TTC28: variants seen among roughly 807,000 people sequenced by gnomAD.
TTC28 encodes the protein tetratricopeptide repeat domain 28.
A neutral mutation model predicts 198.0 loss-of-function variants in TTC28; 61 were observed. The ratio of observed to expected loss-of-function variants is 0.31; its 90% CI spans 0.25 to 0.38. The LOEUF is 0.38. Ranked by LOEUF, TTC28 falls within the 10% of genes least tolerant of loss-of-function variation. The pLI, the probability that TTC28 is intolerant of heterozygous loss-of-function variation, is 1.00. For missense variants in TTC28, 2,678 were observed against 3,164.0 expected (o/e 0.85, Z 3.69); for synonymous variants, 1,171 against 1,297.8 (o/e 0.90, Z 2.10).
chr22:27,991,209 C>T (rs748490989), intron 19 of TTC28, among the ~76,000 whole-genome samples: 9 of 152,250 alleles, frequency 5.9e-5, no homozygotes, highest in Admixed American at 2.6e-4. Context: ...TAGGGCCCAA[C>T]AGCGTATCAG....
At chr22:28,311,538 G>A (rs1412187809) in intron 2 of TTC28, among the ~76,000 whole-genome samples, 1 of 152,132 alleles carries the variant, frequency 6.6e-6, no homozygotes, top group African/African-American at 2.4e-5. Flanking sequence ...CAGGTACACA[G>A]TAGGTATATA....
intron 2 of TTC28, among the ~76,000 whole-genome samples, chr22:28,360,455 C>G (rs2046141070): frequency 6.6e-6 from 1 of 152,102 alleles, no homozygotes; most frequent in Admixed American, 6.6e-5. Flanking sequence ...TTTTATAAAG[C>G]TTTAATAAAA....
At chr22:28,366,249 C>T (rs2046243965) in intron 2 of TTC28, among the ~76,000 whole-genome samples, 1 of 152,128 alleles carries the variant, frequency 6.6e-6, no homozygotes, top group Admixed American at 6.5e-5. Flanking sequence ...TTTCCTATAG[C>T]CCATATGACA....
chr22:28,568,762 T>C (rs2050017896), intron 2 of TTC28, among the ~76,000 whole-genome samples: 7 of 152,226 alleles, frequency 4.6e-5, no homozygotes, highest in Admixed American at 4.6e-4. Context: ...ACTGTTAAAA[T>C]GGTCATACTG....
chr22:28,286,075 C>T (rs971547184), intron 5 of TTC28, among the ~76,000 whole-genome samples: 2 of 151,966 alleles, frequency 1.3e-5, no homozygotes, highest in African/African-American at 4.8e-5. Flanking sequence ...TCTCGGCTCA[C>T]CACAAGCTCC....
chr22:28,314,412 C>G (rs1158948031), intron 2 of TTC28, among the ~76,000 whole-genome samples: 1 of 152,168 alleles, frequency 6.6e-6, no homozygotes, highest in African/African-American at 2.4e-5. Flanking sequence ...CCAAGACAAT[C>G]CTGGGCAAGA....
intron 2 of TTC28, among the ~76,000 whole-genome samples, chr22:28,417,300 TAAAAAAAAAA>T (rs68164494): frequency 9.0e-5 from 4 of 44,650 alleles, no homozygotes; most frequent in Admixed American, 2.9e-4. Flanking sequence ...CTGTCTCTAC[TAAAAAAAAAA>T]AAAAAAAAAA....
At chr22:28,528,439 C>A (rs1225129301) in intron 2 of TTC28, among the ~76,000 whole-genome samples, 1 of 151,914 alleles carries the variant, frequency 6.6e-6, no homozygotes, top group African/African-American at 2.4e-5. Flanking sequence ...AGCTTAAAAA[C>A]CCAGTGTAGG....
intron 5 of TTC28, among the ~76,000 whole-genome samples, chr22:28,186,520 C>A (rs1924221710): frequency 6.6e-6 from 1 of 152,122 alleles, no homozygotes; most frequent in African/African-American, 2.4e-5. Flanking sequence ...TGACACTGGG[C>A]TGTGAGTTCA....
intron 5 of TTC28, among the ~76,000 whole-genome samples, chr22:28,177,751 T>A (rs923560959): frequency 6.6e-6 from 1 of 152,168 alleles, no homozygotes; most frequent in African/African-American, 2.4e-5. Flanking sequence ...AAGAGGCTTG[T>A]CTAAAAAGGC....
At chr22:28,570,954 T>C (rs987548455) in intron 2 of TTC28, among the ~76,000 whole-genome samples, 5 of 152,172 alleles carry the variant, frequency 3.3e-5, no homozygotes, top group African/African-American at 7.2e-5. Context: ...AAATGAAAAG[T>C]AAATTTAAGA....
Position 28,553,708 on chromosome 22 carries a change from G to T in TTC28, c.381+75844C>A, listed in dbSNP as rs1039507689. ...GCCCCGTCCGGGAGGGAGGTGGGGG[G>T]TCAGCCCCCGCCAGGCCAACTGCCC... On this transcript the variant is annotated intron_variant, in intron 2 of 22. Transcript: ENST00000397906. 1.6e-3 allele frequency among the ~76,000 whole-genome samples: 243 copies of T among 151,852 alleles called. 2 individuals carry two copies. The highest frequency in any genetic ancestry group is 2.8e-3 in the Admixed American group (42 of 15,270).
intron 1 of TTC28, among the ~76,000 whole-genome samples, chr22:28,672,476 A>G (rs2051904976): frequency 6.6e-6 from 1 of 151,894 alleles, no homozygotes; most frequent in East Asian, 1.9e-4. Flanking sequence ...AATTTTTTGT[A>G]TTTTTATTAG....
chr22:28,517,298 G>C (rs1469272418), intron 2 of TTC28, among the ~76,000 whole-genome samples: 1 of 152,112 alleles, frequency 6.6e-6, no homozygotes, highest in African/African-American at 2.4e-5. Flanking sequence ...AAAATTGTTA[G>C]AGCTAAAGAT....
At chr22:28,088,949 C>G (rs1295466385) in intron 12 of TTC28, among the ~76,000 whole-genome samples, 1 of 152,172 alleles carries the variant, frequency 6.6e-6, no homozygotes, top group Non-Finnish European at 1.5e-5. Context: ...AAATGCAAAT[C>G]AAAACCACAA....
chr22:28,531,091 C>T (rs946542412), intron 2 of TTC28, among the ~76,000 whole-genome samples: 1 of 152,102 alleles, frequency 6.6e-6, no homozygotes, highest in Non-Finnish European at 1.5e-5. Context: ...ACTAAATGCT[C>T]CAATTAAAAG....
intron 2 of TTC28, among the ~76,000 whole-genome samples, chr22:28,399,004 A>C (rs1237814358): frequency 6.8e-6 from 1 of 147,728 alleles, no homozygotes; most frequent in Non-Finnish European, 1.5e-5. Flanking sequence ...TTGTTTGGGG[A>C]GTTATTTTGC....
chr22:28,296,386 A>G (rs1356865288), intron 4 of TTC28, 58 bp from the exon 5 acceptor site: 10 of 1,370,790 alleles, frequency 7.3e-6, no homozygotes, highest in Non-Finnish European at 9.6e-6. Context: ...AATGTTATTT[A>G]TAACATATAA....
intron 12 of TTC28, among the ~76,000 whole-genome samples, chr22:28,088,046 A>C (rs1357078536): frequency 2.0e-5 from 3 of 152,210 alleles, no homozygotes; most frequent in Admixed American, 6.5e-5. Flanking sequence ...TTCCATGCTC[A>C]TGGATAGGAA....
Sources: allele counts gnomAD v4.1 joint callset (sites outside exome capture counted in the v4.1 genomes callset), GRCh38; gene constraint gnomAD v4.1.1; transcripts MANE v1.5; gene names NCBI Gene and HGNC (gene_info 2026-07-23, HGNC 2026-07-21).